Variants in DOCK4 observed in about 807,000 individuals in gnomAD.
The protein encoded by DOCK4 is dedicator of cytokinesis protein 4.
In DOCK4, 97 loss-of-function variants were observed where a neutral mutation model predicts 268.1. The observed-to-expected ratio is 0.36, with a 90% CI of 0.31 to 0.43. The LOEUF (loss-of-function observed/expected upper bound fraction) is 0.43, where lower values mean the gene tolerates loss of function less well. Ranked by LOEUF, DOCK4 falls within the 20% of genes least tolerant of loss-of-function variation. DOCK4 has a pLI of 1.00. For missense variants in DOCK4, 2,145 were observed against 2,455.7 expected (o/e 0.87, Z 2.67); for synonymous variants, 954 against 887.2 (o/e 1.08, Z -1.34).
intron 1 of DOCK4, among the ~76,000 whole-genome samples, chr7:112,173,138 C>G (rs1410237789): frequency 6.6e-6 from 1 of 152,226 alleles, no homozygotes; most frequent in Non-Finnish European, 1.5e-5. Flanking sequence ...CTCTGACATT[C>G]TATACATTTG....
At chr7:111,854,106 T>TA (rs1231453516) in intron 23 of DOCK4, among the ~76,000 whole-genome samples, 1 of 152,034 alleles carries the variant, frequency 6.6e-6, no homozygotes, top group African/African-American at 2.4e-5. Flanking sequence ...AATTTTTATA[T>TA]TTTTAGTAAG....
intron 32 of DOCK4, chr7:111,784,602 G>A (rs539909191): frequency 2.5e-6 from 1 of 401,398 alleles, no homozygotes; most frequent in Non-Finnish European, 5.0e-6. Flanking sequence ...GCAGATTGAT[G>A]ACAAGTACTG....
chr7:111,926,098 AAG>A (rs1292727994), intron 12 of DOCK4, among the ~76,000 whole-genome samples: 3 of 141,432 alleles, frequency 2.1e-5, no homozygotes, highest in Non-Finnish European at 3.0e-5. Flanking sequence ...AGAAAAAAGA[AAG>A]AGAGAGAGAG....
At chr7:111,977,929 CA>C (rs1349898844) in intron 7 of DOCK4, among the ~76,000 whole-genome samples, 4 of 152,156 alleles carry the variant, frequency 2.6e-5, no homozygotes, top group Admixed American at 2.0e-4. Flanking sequence ...ATCCCTTCCT[CA>C]ATACAGCCAG....
chr7:112,202,058 A>G (rs1401992130), intron 1 of DOCK4, among the ~76,000 whole-genome samples: 1 of 152,208 alleles, frequency 6.6e-6, no homozygotes, highest in African/African-American at 2.4e-5. Context: ...CATTGTGTAT[A>G]GATACTACAT....
chr7:111,953,208 TAA>T (rs11419651), intron 8 of DOCK4, among the ~76,000 whole-genome samples: 2 of 145,798 alleles, frequency 1.4e-5, no homozygotes, highest in Admixed American at 1.4e-4. Flanking sequence ...GACCTTGTCT[TAA>T]AAAAAAAAAA....
At chr7:111,940,449 A>G (rs751938924) in intron 10 of DOCK4, among the ~76,000 whole-genome samples, 7 of 152,300 alleles carry the variant, frequency 4.6e-5, no homozygotes, top group Non-Finnish European at 7.4e-5. Context: ...AGCAGCTTAA[A>G]TTCTGGGCGT....
At chr7:111,762,837 A>AGC (rs2133613065) in intron 39 of DOCK4, among the ~76,000 whole-genome samples, 1 of 132,604 alleles carries the variant, frequency 7.5e-6, no homozygotes, top group South Asian at 2.4e-4. Flanking sequence ...GCTCAATCAC[A>AGC]GCTTACTGAA....
At chr7:111,907,918 A>G (rs1216539061) in intron 13 of DOCK4, among the ~76,000 whole-genome samples, 5 of 152,038 alleles carry the variant, frequency 3.3e-5, no homozygotes, top group African/African-American at 1.2e-4. Flanking sequence ...TTGTAAAGAC[A>G]GGGTTTTGCC....
intron 1 of DOCK4, among the ~76,000 whole-genome samples, chr7:112,042,233 T>G (rs1804442808): frequency 1.3e-5 from 2 of 152,244 alleles, no homozygotes; most frequent in Admixed American, 6.5e-5. Flanking sequence ...AGGATGCTTA[T>G]TCCTCATTTA....
At chr7:112,146,180 G>A (rs1815474199) in intron 1 of DOCK4, among the ~76,000 whole-genome samples, 1 of 152,084 alleles carries the variant, frequency 6.6e-6, no homozygotes, top group Admixed American at 6.6e-5. Context: ...AAAGTGGCTG[G>A]GTCTTAAATG....
chr7:112,019,001 T>G (rs1802096505), intron 1 of DOCK4, among the ~76,000 whole-genome samples: 2 of 152,168 alleles, frequency 1.3e-5, no homozygotes, highest in African/African-American at 4.8e-5. Flanking sequence ...GAACTAAATC[T>G]GACAATGTGC....
intron 5 of DOCK4, among the ~76,000 whole-genome samples, chr7:111,992,999 T>C (rs1799656495): frequency 6.6e-6 from 1 of 152,246 alleles, no homozygotes; most frequent in Non-Finnish European, 1.5e-5. Flanking sequence ...ATCTTGACTT[T>C]GTTATTTACA....
At chr7:112,132,693 T>C (rs966637296) in intron 1 of DOCK4, among the ~76,000 whole-genome samples, 1 of 152,164 alleles carries the variant, frequency 6.6e-6, no homozygotes, top group African/African-American at 2.4e-5. Context: ...TCCTTGGTTA[T>C]TGGATATTGA....
chr7:111,975,076 G>A (rs1216486447), intron 8 of DOCK4, among the ~76,000 whole-genome samples: 3 of 152,256 alleles, frequency 2.0e-5, no homozygotes, highest in East Asian at 1.9e-4. Flanking sequence ...AGACCAGCCC[G>A]GCCAACATGG....
chr7:111,841,622 T>A (rs1456188555), intron 25 of DOCK4, among the ~76,000 whole-genome samples: 4 of 152,162 alleles, frequency 2.6e-5, no homozygotes, highest in Admixed American at 1.3e-4. Context: ...AAATAATTTA[T>A]GTGTGTGTTT....
intron 1 of DOCK4, among the ~76,000 whole-genome samples, chr7:112,025,426 G>A (rs1802697926): frequency 6.6e-6 from 1 of 152,134 alleles, no homozygotes; most frequent in Admixed American, 6.5e-5. Context: ...TTAGCAGTGA[G>A]ACCTATGAGA....
intron 1 of DOCK4, among the ~76,000 whole-genome samples, chr7:112,155,657 G>A (rs1404793495): frequency 6.6e-6 from 1 of 152,186 alleles, no homozygotes; most frequent in East Asian, 1.9e-4. Flanking sequence ...AGGAGTCCCA[G>A]ACTGTGGACA....
At chr7:112,029,265 C>T (rs965317803) in intron 1 of DOCK4, among the ~76,000 whole-genome samples, 2 of 152,172 alleles carry the variant, frequency 1.3e-5, no homozygotes, top group Non-Finnish European at 2.9e-5. Flanking sequence ...TTAAACCTTC[C>T]GTGTGAAGAA....
Sources: gnomAD v4.1 joint callset for allele counts (sites outside exome capture counted in the v4.1 genomes callset) on GRCh38, gnomAD v4.1.1 for gene constraint, MANE v1.5 for transcripts, NCBI Gene and HGNC (gene_info 2026-07-23, HGNC 2026-07-21) for gene names.